The following ATP6V0A2 variants were observed in gnomAD, a reference collection of about 807,000 sequenced individuals.
ATP6V0A2 encodes the protein V-type proton ATPase 116 kDa subunit a 2.
ATP6V0A2 carries 58 observed loss-of-function variants against 104.4 expected under a neutral mutation model. The ratio of observed to expected loss-of-function variants is 0.56; its 90% confidence interval spans 0.45 to 0.69. The LOEUF is 0.69. Ranked by LOEUF, ATP6V0A2 falls within the 30% of genes least tolerant of loss-of-function variation. The probability of loss-of-function intolerance (pLI) is 0.00; values close to 1 mark genes in which losing one functional copy is unlikely to be tolerated. For missense variants in ATP6V0A2, 938 were observed against 1,062.9 expected, an observed-to-expected ratio of 0.88 and a Z score of 1.63; for synonymous variants, 376 against 397.9, an observed-to-expected ratio of 0.95 and a Z score of 0.65.
chr12:123,712,373 G>A lies in ATP6V0A2; in HGVS notation c.-193G>A. On this transcript the variant is annotated 5_prime_UTR_variant, in exon 1 of 20. Coordinates refer to ENST00000330342, the MANE Select transcript of ATP6V0A2 (RefSeq NM_012463.4). Reference sequence around the variant, plus strand: ...GGGGCGGGACCTCGCGGACTGCTGTGGCGGCAGCTGGAGCGGCGGCCGCGG... The same window carrying A: ...GGGGCGGGACCTCGCGGACTGCTGTAGCGGCAGCTGGAGCGGCGGCCGCGG... The A allele has an allele frequency of 5.7e-6, 2 of 353,270 alleles. No individual in the cohort carries two copies. The highest frequency in any genetic ancestry group is 5.0e-6 in the Non-Finnish European group (1 of 199,444). 21.9% of individuals were successfully genotyped at this position (353,270 alleles called of 1,614,324 possible). A position where few individuals can be genotyped will look rare whatever the true frequency, so the allele number is the denominator to read the frequency against.
intron 6 of ATP6V0A2, chr12:123,731,050 T>G (rs1301225185): frequency 2.0e-5 from 3 of 152,168 alleles, no homozygotes; most frequent in Non-Finnish European, 4.4e-5. Context: ...GCAGTAAACA[T>G]CTGTGAAGGA....
chr12:123,727,681 G>A (rs965227725), intron 5 of ATP6V0A2, 102 bp from the exon 6 acceptor site: 63 of 1,450,268 alleles, frequency 4.3e-5, no homozygotes, highest in Non-Finnish European at 5.3e-5. Context: ...CTCTCAGGAT[G>A]TCTTCACCAC....
chr12:123,746,033 A>G (rs1414630333), intron 13 of ATP6V0A2, among the ~76,000 whole-genome samples: 1 of 152,198 alleles, frequency 6.6e-6, no homozygotes, highest in East Asian at 1.9e-4. Context: ...TTCATGTTGT[A>G]GCATTAAGTC....
At position 123,744,459 on chromosome 12, in the gene ATP6V0A2, T is replaced by C; in HGVS notation, c.1326+122T>C. 1 of 1,559,042 alleles carries C rather than the reference T, an allele frequency of 6.4e-7. No individual in the cohort carries two copies. Among genetic ancestry groups the C allele is most frequent in the South Asian group, 1.1e-5 (1 of 89,334 alleles). On this transcript the variant is annotated intron_variant, in intron 11 of 19. Transcript: ENST00000330342. This position sits in a 1 kb window ranked among gnomAD's most constrained non-coding sequence, Gnocchi z 5.4. ...CTGTGCTGGGCAGGTGTGTGGCCTG[T>C]CAGCTGCGGCTGACAGGGATGTCTG...
rs1956744989 is a variant in ATP6V0A2 at position 123,754,495 on chromosome 12, G to A, written c.2251G>A (p.Ala751Thr). Reference sequence around the variant, plus strand: ...CTGTCTGGGATGCATCTCCAACACCGCCTCCTACCTGAGGCTCTGGGCGCT... The same window carrying A: ...CTGTCTGGGATGCATCTCCAACACCACCTCCTACCTGAGGCTCTGGGCGCT... ...EYCLGCISNTASYLRLWALSL... is the reference protein window; with the variant it reads ...EYCLGCISNTTSYLRLWALSL... The change falls in exon 18 of 20, where the codon GCC (alanine) becomes ACC (threonine). Residue 751 changes from alanine to threonine, a missense_variant. By Grantham distance (58) the Ala-to-Thr change is moderately conservative (BLOSUM62 0). Transcript: ENST00000330342. 3 of 1,614,090 alleles carry A rather than the reference G, an allele frequency of 1.9e-6. No homozygotes were observed. The highest frequency in any genetic ancestry group is 2.2e-5 in the South Asian group (2 of 91,076).
At chr12:123,755,237 G>C (rs1025247025) in intron 18 of ATP6V0A2, among the ~76,000 whole-genome samples, 1 of 152,060 alleles carries the variant, frequency 6.6e-6, no homozygotes, top group Admixed American at 6.6e-5. Context: ...GGGTTCAGAC[G>C]TAGAAAAGAA....
At position 123,735,605 on chromosome 12, in the gene ATP6V0A2, G is replaced by T; in HGVS notation, c.806G>T (p.Arg269Leu). 6.2e-7 allele frequency: 1 copy of T among 1,613,466 alleles called. No homozygotes were observed. Among genetic ancestry groups the T allele is most frequent in the Non-Finnish European group, 8.5e-7 (1 of 1,179,672 alleles). ...GAGATCCAGGAGGGGCTGAACACCCGCATCCAGGATCTCTACACTGTGAGT... is the reference window on the plus strand; with the variant it reads ...GAGATCCAGGAGGGGCTGAACACCCTCATCCAGGATCTCTACACTGTGAGT... Reference protein sequence around the residue: ...RREIQEGLNTRIQDLYTVLHK... With the variant: ...RREIQEGLNTLIQDLYTVLHK... The change falls in exon 8 of 20, where the codon CGC (arginine) becomes CTC (leucine). Residue 269 changes from arginine (R) to leucine (L), a missense_variant. Arg to Leu is a moderately radical substitution (Grantham distance 102, BLOSUM62 -2). Transcript: ENST00000330342.
chr12:123,716,812 AGAGT>A (rs1956345094), intron 1 of ATP6V0A2, among the ~76,000 whole-genome samples: 1 of 151,868 alleles, frequency 6.6e-6, no homozygotes, highest in African/African-American at 2.4e-5. Flanking sequence ...AAGAGTTTAT[AGAGT>A]CATGCATCCA....
At chr12:123,727,749 C>T (rs915359855) in intron 5 of ATP6V0A2, 34 bp from the exon 6 acceptor site, 1 of 1,613,322 alleles carries the variant, frequency 6.2e-7, no homozygotes, top group East Asian at 2.2e-5. Flanking sequence ...TTATTGCTTT[C>T]AGTTGACTAC....
At chr12:123,724,382 G>A in intron 3 of ATP6V0A2, 1 of 345,684 alleles carries the variant, frequency 2.9e-6, no homozygotes, top group Non-Finnish European at 5.5e-6. Context: ...AAAAAAATTA[G>A]CTGGGCGTGG....
chr12:123,715,067 C>T (rs187108698), intron 1 of ATP6V0A2, among the ~76,000 whole-genome samples: 71 of 152,168 alleles, frequency 4.7e-4, no homozygotes, highest in Non-Finnish European at 7.6e-4. Flanking sequence ...GGCAACAGAG[C>T]GAGACTCCGT....
intron 6 of ATP6V0A2, among the ~76,000 whole-genome samples, chr12:123,728,394 G>GC (rs1555296787): frequency 1.1e-5 from 1 of 91,162 alleles, no homozygotes; most frequent in Non-Finnish European, 2.1e-5. Flanking sequence ...TCCTCACCTG[G>GC]CTTTTTTTTT....
At chr12:123,756,341 T>C (rs1367980339) in intron 18 of ATP6V0A2, 1 of 142,808 alleles carries the variant, frequency 7.0e-6, no homozygotes, top group Non-Finnish European at 1.5e-5. Flanking sequence ...TAAAAAAAAA[T>C]GCTTATGTTT....
chr12:123,744,717 T>C lies in ATP6V0A2; in HGVS notation c.1447T>C (p.Trp483Arg). The C allele has an allele frequency of 1.9e-6, 3 of 1,614,134 alleles. No individual in the cohort carries two copies. Among genetic ancestry groups the C allele is most frequent in the Non-Finnish European group, 2.5e-6 (3 of 1,180,022 alleles). ...GTCAGTCAACCTGTTCGGCTCTGGG[T>C]GGAACGTGTCGGCCATGTACAGCTC... ...SKSVNLFGSG[W>R]NVSAMYSSSH... The change falls in exon 12 of 20, where the codon TGG (tryptophan) becomes CGG (arginine). Residue 483 changes from tryptophan (W) to arginine (R), a missense_variant. Physicochemically the swap from Trp to Arg is moderately radical, Grantham distance 101. Transcript: ENST00000330342. This position sits in a 1 kb window ranked among gnomAD's most constrained non-coding sequence, Gnocchi z 5.4.
chr12:123,717,080 C>T (rs747866698), intron 1 of ATP6V0A2, among the ~76,000 whole-genome samples: 44 of 151,880 alleles, frequency 2.9e-4, no homozygotes, highest in African/African-American at 9.9e-4. Flanking sequence ...TTTGGGAGGC[C>T]GAGGTGGGCG....
intron 18 of ATP6V0A2, among the ~76,000 whole-genome samples, chr12:123,756,009 A>G (rs1463223380): frequency 6.7e-6 from 1 of 149,754 alleles, no homozygotes; most frequent in Non-Finnish European, 1.5e-5. Context: ...TGAACCCGGG[A>G]GACAGAGCTT....
chr12:123,735,592 G>A lies in ATP6V0A2; in HGVS notation c.793G>A (p.Gly265Arg), dbSNP rs774118423. Reference protein sequence around the residue: ...TAEERREIQEGLNTRIQDLYT... With the variant: ...TAEERREIQERLNTRIQDLYT... ...CGAGGAGCGGAGGGAGATCCAGGAG[G>A]GGCTGAACACCCGCATCCAGGATCT... The change falls in exon 8 of 20, where the codon GGG becomes AGG. Residue 265 changes from glycine to arginine, a missense_variant. Coordinates refer to ENST00000330342, the MANE Select transcript of ATP6V0A2 (RefSeq NM_012463.4). 3.5e-5 allele frequency: 57 copies of A among 1,613,372 alleles called. No homozygotes were observed. Among genetic ancestry groups the A allele is most frequent in the Non-Finnish European group, 4.3e-5 (51 of 1,179,808 alleles).
chr12:123,752,773 T>C (rs1346585559), intron 17 of ATP6V0A2, among the ~76,000 whole-genome samples: 2 of 152,232 alleles, frequency 1.3e-5, no homozygotes, highest in Non-Finnish European at 2.9e-5. Context: ...GGGATTTTAC[T>C]GGCTCATGGC....
At chr12:123,738,412 C>A (rs1185747792) in intron 9 of ATP6V0A2, among the ~76,000 whole-genome samples, 8 of 151,612 alleles carry the variant, frequency 5.3e-5, no homozygotes, top group Non-Finnish European at 1.2e-4. Context: ...AAAAAAAGAG[C>A]GTTTTCAATT....
Sources: allele counts gnomAD v4.1 joint callset (sites outside exome capture counted in the v4.1 genomes callset), GRCh38; gene constraint gnomAD v4.1.1; non-coding constraint Gnocchi (gnomAD v3.1); transcripts MANE v1.5; gene names NCBI Gene and HGNC (gene_info 2026-07-23, HGNC 2026-07-21).